Variants in HSPA4L observed in about 807,000 individuals in gnomAD.
The protein encoded by HSPA4L is heat shock 70 kDa protein 4L.
HSPA4L carries 48 observed loss-of-function variants against 100.3 expected under a neutral mutation model. That is an observed-to-expected ratio of 0.48 (90% CI 0.38 to 0.61). The LOEUF (loss-of-function observed/expected upper bound fraction) is 0.61. Among genes scored for constraint, HSPA4L ranks in the 20% least tolerant of loss-of-function variants. The pLI, the probability that HSPA4L is intolerant of heterozygous loss-of-function variation, is 0.00. For synonymous variants in HSPA4L, 319 were observed against 328.2 expected (o/e 0.97, Z 0.30); for missense variants, 886 against 988.6 (o/e 0.90, Z 1.39).
chr4:127,807,174 A>G (rs1288930099), intron 10 of HSPA4L, among the ~76,000 whole-genome samples: 4 of 152,006 alleles, frequency 2.6e-5, no homozygotes, highest in African/African-American at 9.7e-5. Flanking sequence ...AGATTTTAAA[A>G]TCTTCCATAC....
chr4:127,788,892 A>C (rs537807380), intron 1 of HSPA4L, among the ~76,000 whole-genome samples: 1 of 152,372 alleles, frequency 6.6e-6, no homozygotes, highest in African/African-American at 2.4e-5. Context: ...CTATTTGTTC[A>C]GCCTTTGATT....
chr4:127,788,471 T>C, intron 1 of HSPA4L, among the ~76,000 whole-genome samples: 1 of 152,224 alleles, frequency 6.6e-6, no homozygotes, highest in East Asian at 1.9e-4. Flanking sequence ...AATATCCAGA[T>C]GTTTTCTTTG....
At chr4:127,786,570 A>T (rs971272442) in intron 1 of HSPA4L, among the ~76,000 whole-genome samples, 1 of 152,156 alleles carries the variant, frequency 6.6e-6, no homozygotes, top group Non-Finnish European at 1.5e-5. Context: ...GGCTCAAAGG[A>T]TCCTCCCACC....
intron 18 of HSPA4L, 115 bp downstream of exon 18, chr4:127,830,914 C>CT (rs778538037): frequency 1.7e-4 from 107 of 636,434 alleles, no homozygotes; most frequent in Non-Finnish European, 2.4e-4. Context: ...AAATTTAAGA[C>CT]TAATTTTTTA....
rs74692952 is a variant in HSPA4L, at chr4:127,815,874, G to A, written c.1579-2451G>A. Among the ~76,000 whole-genome samples the A allele has an allele frequency of 3.0e-4, 46 of 152,336 alleles. 1 individual carries two copies. In the South Asian group the frequency reaches 6.2e-3, roughly 21 times the overall value. ...AAACCACTTAGGAAGGAACAGGTAAGCTAGTCTGAAAGATGCAAAAGGCAG... is the reference window on the plus strand; with the variant it reads ...AAACCACTTAGGAAGGAACAGGTAAACTAGTCTGAAAGATGCAAAAGGCAG... On this transcript the variant is annotated intron_variant, in intron 12 of 18. Coordinates refer to ENST00000296464, the MANE Select transcript of HSPA4L (RefSeq NM_014278.4).
Position 127,832,673 on chromosome 4 carries a change from A to C in HSPA4L, c.2329-10A>C, listed in dbSNP as rs1196481426. 6.4e-7 allele frequency: 1 copy of C among 1,571,090 alleles called. No homozygotes were observed. On this transcript the variant is annotated splice_polypyrimidine_tract_variant and intron_variant, in intron 18 of 18. Coordinates refer to ENST00000296464, the MANE Select transcript of HSPA4L (RefSeq NM_014278.4). ...TCGTTTTAATATAATCAATTTCTTC[A>C]TGTCTTTAGGAACTGGATAATTTCT...
At chr4:127,810,591 G>T (rs1423487429) in intron 11 of HSPA4L, among the ~76,000 whole-genome samples, 3 of 152,044 alleles carry the variant, frequency 2.0e-5, no homozygotes, top group African/African-American at 7.2e-5. Flanking sequence ...GACCTAATCT[G>T]TACTAAAAAT....
At chr4:127,822,023 G>A (rs1400453073) in intron 14 of HSPA4L, among the ~76,000 whole-genome samples, 2 of 151,970 alleles carry the variant, frequency 1.3e-5, no homozygotes, top group African/African-American at 2.4e-5. Flanking sequence ...GGTATACTAC[G>A]TTAATTTTTT....
chr4:127,830,768 TAA>T lies in HSPA4L; in HGVS notation c.2300_2301del (p.Lys767SerfsTer13). ...CTAAGTCTCACTCAAGATCCTGTGG[TAA>T]AAGTTTCAGAAATAGTAGCAAAGTC... On this transcript the variant is annotated frameshift_variant, in exon 18 of 19. Coordinates refer to ENST00000296464, the MANE Select transcript of HSPA4L (RefSeq NM_014278.4). LOFTEE classifies it high-confidence loss of function. The T allele has an allele frequency of 1.3e-6, 2 of 1,594,086 alleles. No individual in the cohort carries two copies. The highest frequency in any genetic ancestry group is 1.7e-6 in the Non-Finnish European group (2 of 1,172,900).
intron 16 of HSPA4L, among the ~76,000 whole-genome samples, chr4:127,826,777 T>C (rs1398299712): frequency 1.3e-5 from 2 of 152,196 alleles, no homozygotes; most frequent in Non-Finnish European, 2.9e-5. Context: ...GAGTCTGTTT[T>C]AACATTTAGA....
chr4:127,782,320 G>A (rs368523110), upstream of HSPA4L: 1 of 521,588 alleles, frequency 1.9e-6, no homozygotes, highest in South Asian at 2.1e-5. Flanking sequence ...CGGCCGAACC[G>A]CAGTAGGGAA....
chr4:127,829,291 G>C (rs527614492), intron 17 of HSPA4L, among the ~76,000 whole-genome samples: 3 of 152,240 alleles, frequency 2.0e-5, no homozygotes, highest in South Asian at 2.1e-4. Flanking sequence ...TAGCAGTTGA[G>C]AGATCATAAA....
chr4:127,801,243 CA>C lies in HSPA4L; in HGVS notation c.529+7del. 6.3e-7 allele frequency: 1 copy of C among 1,587,426 alleles called. No homozygotes were observed. The highest frequency in any genetic ancestry group is 1.1e-5 in the South Asian group (1 of 87,966). Reference sequence around the variant, plus strand: ...GATGAATGAAACTACTGCAGGTGAGCACTTTGCAATTTGAAAATCACTATAA... The same window carrying C: ...GATGAATGAAACTACTGCAGGTGAGCCTTTGCAATTTGAAAATCACTATAA... On this transcript the variant is annotated splice_region_variant and intron_variant, in intron 5 of 18. Transcript: ENST00000296464.
intron 12 of HSPA4L, among the ~76,000 whole-genome samples, chr4:127,813,673 C>A (rs988957802): frequency 6.6e-6 from 1 of 152,176 alleles, no homozygotes; most frequent in Non-Finnish European, 1.5e-5. Context: ...GAGACAGTCT[C>A]GCTCTGTTGC....
At chr4:127,799,819 GA>G (rs1386675846) in intron 4 of HSPA4L, among the ~76,000 whole-genome samples, 1 of 152,146 alleles carries the variant, frequency 6.6e-6, no homozygotes, top group Non-Finnish European at 1.5e-5. Flanking sequence ...CTGGTAGCTA[GA>G]AAAGTACCTG....
chr4:127,829,621 A>C (rs1734030144), intron 17 of HSPA4L, among the ~76,000 whole-genome samples: 1 of 152,120 alleles, frequency 6.6e-6, no homozygotes, highest in East Asian at 1.9e-4. Context: ...ACCCGAAAGA[A>C]TGAAGTTTCC....
At chr4:127,823,438 T>C in intron 15 of HSPA4L, 79 bp from the exon 16 acceptor site, 1 of 935,346 alleles carries the variant, frequency 1.1e-6, no homozygotes, top group Non-Finnish European at 1.7e-6. Context: ...CATGAGGCAC[T>C]GCACTGCACT....
intron 12 of HSPA4L, among the ~76,000 whole-genome samples, 177 bp from the exon 13 acceptor site, chr4:127,818,148 T>A (rs538446402): frequency 1.3e-5 from 2 of 152,218 alleles, no homozygotes; most frequent in African/African-American, 4.8e-5. Context: ...ATCTTTTCAC[T>A]TTACTTCCCT....
At chr4:127,783,727 ATACCT>A (rs1302485442) in intron 1 of HSPA4L, 2 of 1,469,124 alleles carry the variant, frequency 1.4e-6, no homozygotes, top group African/African-American at 2.8e-5. Context: ...CCAAAATATA[ATACCT>A]TAACTATACT....
Sources: gnomAD v4.1 joint callset for allele counts (sites outside exome capture counted in the v4.1 genomes callset) on GRCh38, gnomAD v4.1.1 for gene constraint, MANE v1.5 for transcripts, NCBI Gene and HGNC (gene_info 2026-07-23, HGNC 2026-07-21) for gene names.